JAK2: variants seen among roughly 807,000 people sequenced by gnomAD.
JAK2 encodes the protein tyrosine-protein kinase JAK2.
JAK2 carries 86 observed loss-of-function variants against 139.3 expected under a neutral mutation model. The ratio of observed to expected loss-of-function variants is 0.62; its 90% CI spans 0.52 to 0.74. The LOEUF is 0.74. Ranked by LOEUF, JAK2 falls within the 30% of genes least tolerant of loss-of-function variation. JAK2 has a pLI of 0.00. For missense variants in JAK2, 1,421 were observed against 1,360.3 expected (o/e 1.04, Z -0.70); for synonymous variants, 490 against 437.7 (o/e 1.12, Z -1.49).
chr9:5,027,433 GA>G (rs1364478862), intron 3 of JAK2, among the ~76,000 whole-genome samples: 6 of 152,172 alleles, frequency 3.9e-5, no homozygotes, highest in Admixed American at 1.3e-4. Context: ...AGCCTTCAGT[GA>G]GTCATAATCT....
At chr9:5,051,567 C>T (rs1018551491) in intron 6 of JAK2, among the ~76,000 whole-genome samples, 7 of 152,098 alleles carry the variant, frequency 4.6e-5, no homozygotes, top group African/African-American at 1.7e-4. Context: ...CCAAACTCTG[C>T]ATTCTTCAAA....
chr9:4,997,105 T>A (rs374751615), intron 2 of JAK2, among the ~76,000 whole-genome samples: 40 of 151,570 alleles, frequency 2.6e-4, no homozygotes, highest in Non-Finnish European at 4.1e-4. Flanking sequence ...ATTTTTATAT[T>A]TTTTTTTGTA....
chr9:5,015,891 AT>A (rs1822023219), intron 2 of JAK2, among the ~76,000 whole-genome samples: 1 of 147,808 alleles, frequency 6.8e-6, no homozygotes, highest in African/African-American at 2.7e-5. Context: ...ATATTAAAAT[AT>A]AAAAAGAGTA....
intron 22 of JAK2, among the ~76,000 whole-genome samples, chr9:5,121,929 T>C (rs115684200): frequency 1.6e-4 from 25 of 152,252 alleles, no homozygotes; most frequent in African/African-American, 6.0e-4. Context: ...TTCAAGAACT[T>C]TGCATTCCCC....
intron 16 of JAK2, among the ~76,000 whole-genome samples, chr9:5,079,156 G>C (rs7031456): frequency 6.6e-6 from 1 of 152,094 alleles, no homozygotes; most frequent in Non-Finnish European, 1.5e-5. Context: ...TACAGGAGTA[G>C]GGAGTATGGC....
Position 5,126,816 on chromosome 9 carries a change from C to T in JAK2, c.*25C>T. On this transcript the variant is annotated 3_prime_UTR_variant, in exon 25 of 25. Transcript: ENST00000381652. ...AAAGAAATGACCTTCATTCTGAGAC[C>T]AAAGTAGATTTACAGAACAAAGTTT... The T allele has an allele frequency of 1.4e-6, 2 of 1,418,374 alleles. No homozygotes were observed. The highest frequency in any genetic ancestry group is 2.0e-6 in the Non-Finnish European group (2 of 1,009,420). 87.9% of individuals were successfully genotyped at this position (1,418,374 alleles called of 1,614,324 possible). A position where few individuals can be genotyped will look rare whatever the true frequency, so the allele number is the denominator to read the frequency against.
intron 2 of JAK2, among the ~76,000 whole-genome samples, chr9:5,005,083 A>ATTTT (rs527982744): frequency 2.5e-5 from 1 of 40,034 alleles, no homozygotes; most frequent in Non-Finnish European, 4.5e-5. Flanking sequence ...TGCCTGGCTA[A>ATTTT]TTTTTTTTTT....
At chr9:5,095,721 T>C (rs1187454149) in intron 22 of JAK2, among the ~76,000 whole-genome samples, 1 of 152,130 alleles carries the variant, frequency 6.6e-6, no homozygotes. Flanking sequence ...ACGTAAGCGG[T>C]TGAGGAGGAC....
rs1018805844 is a variant in JAK2 at position 5,042,263 on chromosome 9, A to G, written c.351-2140A>G. On this transcript the variant is annotated intron_variant, in intron 4 of 24. Transcript: ENST00000381652. Reference sequence around the variant, plus strand: ...CGCCATTCTCCTGCCTCAGCCTCCCAAGTAGCTGGGACTACAGGCGCCCGC... The same window carrying G: ...CGCCATTCTCCTGCCTCAGCCTCCCGAGTAGCTGGGACTACAGGCGCCCGC... Among the ~76,000 whole-genome samples, 58 of 148,972 alleles carry G rather than the reference A, an allele frequency of 3.9e-4. No homozygotes were observed. In the South Asian group the frequency reaches 5.7e-3, roughly 15 times the overall value.
At position 5,069,933 on chromosome 9, in the gene JAK2, A is replaced by T. The variant is rs766611249; in HGVS notation, c.1522A>T (p.Asn508Tyr). The T allele has an allele frequency of 6.3e-7, 1 of 1,594,740 alleles. No homozygotes were observed. Among genetic ancestry groups the T allele is most frequent in the South Asian group, 1.1e-5 (1 of 88,408 alleles). The change falls in exon 12 of 25, where the codon AAC becomes TAC. Residue 508 changes from asparagine to tyrosine, a missense_variant. Transcript: ENST00000381652. ...CCPPKPKDKS[N>Y]LLVFRTNGVS... is the part of the protein sequence containing the mutation. The stretch of plus-strand genomic sequence containing the variant: ...GTATTTTATTTTTTCAGATAAATCA[A>T]ACCTTCTAGTCTTCAGAACGAATGG...
Position 5,086,107 on chromosome 9 carries a change from C to G in JAK2, c.2572-3567C>G, listed in dbSNP as rs578177631. The G allele has an allele frequency of 1.6e-4, 78 of 488,500 alleles. 2 individuals are homozygous for G. The Admixed American group carries it at 1.6e-3, about 10-fold the overall frequency. The allele number at this position is 488,500 out of a possible 1,614,324, so 30.3% of individuals were successfully genotyped here. A position where few individuals can be genotyped will look rare whatever the true frequency, so the allele number is the denominator to read the frequency against. ...AGTCCCTTCTGCCTATGAGCCTGCGCGGGCATCGGCAGCGGCGCGCGGCCC... is the reference window on the plus strand; with the variant it reads ...AGTCCCTTCTGCCTATGAGCCTGCGGGGGCATCGGCAGCGGCGCGCGGCCC... On this transcript the variant is annotated intron_variant, in intron 19 of 24. Coordinates refer to ENST00000381652, the MANE Select transcript of JAK2 (RefSeq NM_004972.4).
intron 22 of JAK2, among the ~76,000 whole-genome samples, chr9:5,113,048 G>T (rs1430222177): frequency 6.6e-6 from 1 of 152,074 alleles, no homozygotes; most frequent in African/African-American, 2.4e-5. Flanking sequence ...GTGACGCTGG[G>T]TCCAGGAGCT....
intron 8 of JAK2, among the ~76,000 whole-genome samples, chr9:5,063,973 T>C (rs1250559228): frequency 2.6e-5 from 4 of 152,224 alleles, no homozygotes; most frequent in South Asian, 4.1e-4. Context: ...CTGGCCAACA[T>C]GTTGAAACTC....
At chr9:5,020,560 T>C (rs1012590216) in intron 2 of JAK2, among the ~76,000 whole-genome samples, 6 of 151,704 alleles carry the variant, frequency 4.0e-5, no homozygotes, top group African/African-American at 1.2e-4. Flanking sequence ...TTGTAGGGAG[T>C]TGGCTAAGGA....
At chr9:5,110,446 A>C (rs1480178208) in intron 22 of JAK2, 1 of 152,506 alleles carries the variant, frequency 6.6e-6, no homozygotes, top group African/African-American at 2.4e-5. Context: ...GCATTCCTTC[A>C]CATGTGCACC....
intron 22 of JAK2, among the ~76,000 whole-genome samples, chr9:5,106,444 TGGTG>T (rs1006036467): frequency 4.6e-5 from 7 of 152,238 alleles, no homozygotes; most frequent in Non-Finnish European, 8.8e-5. Flanking sequence ...TTCACACTGT[TGGTG>T]GGAGTAGTGT....
intron 2 of JAK2, among the ~76,000 whole-genome samples, chr9:4,998,565 A>T (rs1820735210): frequency 6.6e-6 from 1 of 151,548 alleles, no homozygotes; most frequent in Non-Finnish European, 1.5e-5. Flanking sequence ...AAAAACTCCA[A>T]CTTTTAGAGG....
At chr9:5,091,070 A>G (rs1820536399) in intron 22 of JAK2, 159 bp downstream of exon 22, 2 of 543,656 alleles carry the variant, frequency 3.7e-6, no homozygotes, top group East Asian at 6.4e-5. Context: ...TCTTATAGTC[A>G]TGGTTATAGT....
chr9:5,010,089 G>A (rs917772475), intron 2 of JAK2, among the ~76,000 whole-genome samples: 2 of 152,142 alleles, frequency 1.3e-5, no homozygotes, highest in African/African-American at 4.8e-5. Context: ...GTTTTAAATA[G>A]AGTCTATTTC....
Sources: allele counts gnomAD v4.1 joint callset (sites outside exome capture counted in the v4.1 genomes callset), GRCh38; gene constraint gnomAD v4.1.1; transcripts MANE v1.5; gene names NCBI Gene and HGNC (gene_info 2026-07-23, HGNC 2026-07-21).